Variants in GREB1 observed in about 807,000 individuals in gnomAD.
GREB1 encodes the protein protein GREB1.
A neutral mutation model predicts 200.7 loss-of-function variants in GREB1; 106 were observed. The observed-to-expected ratio is 0.53, with a 90% CI of 0.45 to 0.62. The LOEUF (loss-of-function observed/expected upper bound fraction) is 0.62. GREB1 is among the 20% of genes least tolerant of loss of function. GREB1 has a pLI of 0.00. For missense variants in GREB1, 2,243 were observed against 2,556.8 expected (o/e 0.88, Z 2.65); for synonymous variants, 1,132 against 1,092.4 (o/e 1.04, Z -0.72).
At chr2:11,590,111 G>A (rs939348907) in intron 10 of GREB1, among the ~76,000 whole-genome samples, 5 of 152,160 alleles carry the variant, frequency 3.3e-5, no homozygotes, top group African/African-American at 9.7e-5. Context: ...CAGAGGAGGC[G>A]ACTGAGATGG....
chr2:11,580,800 A>G lies in GREB1; in HGVS notation c.869A>G (p.Asn290Ser), dbSNP rs931696866. ...SPKCQQLAKN[N>S]LLALPRPSAL... ...AAGTGCCAACAACTGGCAAAGAATA[A>G]CCTGTTGGCCCTGCCGCGACCATCG... The change falls in exon 7 of 33, where the codon AAC (asparagine) becomes AGC (serine). Residue 290 changes from asparagine to serine, a missense_variant. Coordinates refer to ENST00000381486, the MANE Select transcript of GREB1 (RefSeq NM_014668.4). This position sits in a 1 kb window ranked among gnomAD's most constrained non-coding sequence, Gnocchi z 4.5. The G allele has an allele frequency of 5.6e-6, 9 of 1,614,020 alleles. No homozygotes were observed. Among genetic ancestry groups the G allele is most frequent in the Non-Finnish European group, 7.6e-6 (9 of 1,180,016 alleles).
At chr2:11,553,726 G>A (rs1347817581) in intron 1 of GREB1, among the ~76,000 whole-genome samples, 3 of 152,068 alleles carry the variant, frequency 2.0e-5, no homozygotes, top group Non-Finnish European at 4.4e-5. Flanking sequence ...GCTGGACAGT[G>A]GATATTATTT....
In GREB1 at chr2:11,613,315, C is replaced by T. The variant is rs185580959; in HGVS notation, c.3122+705C>T. ...AGATTGGGTTTTAGAGACTTCATAC[C>T]GGTGGAGAAGAGCAGACGGCCAGCA... On this transcript the variant is annotated intron_variant, in intron 19 of 32. Coordinates refer to ENST00000381486, the MANE Select transcript of GREB1 (RefSeq NM_014668.4). Among the ~76,000 whole-genome samples, 417 of 152,246 alleles carry T rather than the reference C, an allele frequency of 2.7e-3. 1 individual carries two copies. The highest frequency in any genetic ancestry group is 4.3e-3 in the Non-Finnish European group (292 of 68,014).
In GREB1 at chr2:11,638,879, G is replaced by A. The variant is rs149183693; in HGVS notation, c.5686+70G>A. The A allele has an allele frequency of 8.2e-3, 12,384 of 1,509,992 alleles. 81 individuals are homozygous for A. The highest frequency in any genetic ancestry group is 0.01 in the Non-Finnish European group (11,207 of 1,103,066). 93.5% of individuals were successfully genotyped at this position (1,509,992 alleles called of 1,614,324 possible). On this transcript the variant is annotated intron_variant, in intron 32 of 32. Coordinates refer to ENST00000381486, the MANE Select transcript of GREB1 (RefSeq NM_014668.4). ...TAGTCACCGGGTACCCTGAGGAGGG[G>A]ACCTTTGGTCCTAGTCCTTATTTGC...
At chr2:11,615,727 G>A (rs182509771) in intron 20 of GREB1, among the ~76,000 whole-genome samples, 65 of 152,310 alleles carry the variant, frequency 4.3e-4, no homozygotes, top group African/African-American at 1.5e-3. Context: ...TTTAAGAAGT[G>A]TGAAAACAGG....
At chr2:11,614,640 G>T (rs562181288) in intron 19 of GREB1, among the ~76,000 whole-genome samples, 10 of 151,428 alleles carry the variant, frequency 6.6e-5, no homozygotes, top group African/African-American at 1.9e-4. Context: ...CTCGGCTCAC[G>T]GCAAGCTCTG....
intron 19 of GREB1, among the ~76,000 whole-genome samples, chr2:11,614,806 G>T (rs545986498): frequency 1.3e-5 from 2 of 150,616 alleles, no homozygotes; most frequent in African/African-American, 2.4e-5. Context: ...CTTGTGATCC[G>T]CCCGCCTCGG....
chr2:11,605,181 A>C (rs1682157080), intron 17 of GREB1, among the ~76,000 whole-genome samples: 1 of 59,084 alleles, frequency 1.7e-5, no homozygotes, highest in African/African-American at 4.7e-5. Flanking sequence ...TTTTTTACGC[A>C]GCAGCTTTAA....
intron 1 of GREB1, among the ~76,000 whole-genome samples, chr2:11,521,944 T>C (rs1673718982): frequency 6.6e-6 from 1 of 152,234 alleles, no homozygotes; most frequent in Non-Finnish European, 1.5e-5. Flanking sequence ...ATCTGTGGTC[T>C]ACACGTTGTG....
Position 11,618,571 on chromosome 2 carries a change from C to G in GREB1, c.3696C>G (p.Ser1232=). Residue 1232 remains serine (S), a synonymous_variant, in exon 22 of 33, where the codon TCC becomes TCG. Transcript: ENST00000381486. ...CCTCCTCGGGCTCATCCTCCTCATC[C>G]GTGGCGCCCGCTGCCGGCACGTGGG... ...LSSSSGSSSS[S]VAPAAGTWVL... is the part of the protein sequence containing the mutation. 1 of 1,612,970 alleles carries G rather than the reference C, an allele frequency of 6.2e-7. No individual in the cohort carries two copies. The highest frequency in any genetic ancestry group is 1.7e-4 in the Middle Eastern group (1 of 6,058).
rs992519368 is a variant in GREB1 at position 11,625,254 on chromosome 2, C to T, written c.4248C>T (p.Asp1416=). ...TGCCCTTTGACTACATCATTCACGACCCGAAGTATGAAGATGCCAGCCTGA... is the reference window on the plus strand; with the variant it reads ...TGCCCTTTGACTACATCATTCACGATCCGAAGTATGAAGATGCCAGCCTGA... ...KKLPFDYIIH[D]PKYEDASLIC... The change falls in exon 24 of 33, where the codon GAC becomes GAT. Residue 1416 remains aspartate (D), a synonymous_variant. Coordinates refer to ENST00000381486, the MANE Select transcript of GREB1 (RefSeq NM_014668.4). The T allele has an allele frequency of 1.2e-6, 2 of 1,614,140 alleles. No individual in the cohort carries two copies. The highest frequency in any genetic ancestry group is 1.7e-6 in the Non-Finnish European group (2 of 1,180,006).
At chr2:11,510,102 C>T (rs1393540158) in intron 1 of GREB1, among the ~76,000 whole-genome samples, 2 of 152,106 alleles carry the variant, frequency 1.3e-5, no homozygotes, top group African/African-American at 4.8e-5. Context: ...AGTCGCTGTT[C>T]CCTTGGAATT....
chr2:11,587,399 A>T, intron 9 of GREB1: 1 of 1,613,524 alleles, frequency 6.2e-7, no homozygotes, highest in Non-Finnish European at 8.5e-7. Context: ...AAATGGTGCT[A>T]CCCAAATGGT....
intron 17 of GREB1, among the ~76,000 whole-genome samples, chr2:11,605,189 TAA>T (rs1558621397): frequency 8.3e-5 from 11 of 132,778 alleles, no homozygotes; most frequent in Non-Finnish European, 1.4e-4. Flanking sequence ...GCAGCAGCTT[TAA>T]TGGGGAATAA....
rs1685758008 is a variant in GREB1, at chr2:11,640,718, G to A, written c.*264G>A. The A allele has an allele frequency of 4.7e-6, 2 of 429,226 alleles. No individual in the cohort carries two copies. The highest frequency in any genetic ancestry group is 3.7e-5 in the South Asian group (1 of 26,988). The allele number at this position is 429,226 out of a possible 1,614,324, so 26.6% of individuals were successfully genotyped here. A position where few individuals can be genotyped will look rare whatever the true frequency, so the allele number is the denominator to read the frequency against. On this transcript the variant is annotated 3_prime_UTR_variant, in exon 33 of 33. Transcript: ENST00000381486. The surrounding 1 kb of genome is among the most constrained non-coding windows in gnomAD (Gnocchi z 4.6). ...TGGGCTGTTTTAAAGCCCATTTCAC[G>A]AGGAACAAAGATTTACTTCCTGTCC...
intron 29 of GREB1, among the ~76,000 whole-genome samples, chr2:11,634,776 A>G (rs929324923): frequency 1.3e-5 from 2 of 152,108 alleles, no homozygotes; most frequent in Non-Finnish European, 2.9e-5. Flanking sequence ...GAGCCTCTCA[A>G]AGAGGGTGGG....
chr2:11,615,770 C>T (rs1013285938), intron 20 of GREB1, among the ~76,000 whole-genome samples: 1 of 152,180 alleles, frequency 6.6e-6, no homozygotes, highest in African/African-American at 2.4e-5. Flanking sequence ...CTGATGCCGC[C>T]TTTTTAATAG....
chr2:11,553,446 A>C (rs1397017811), intron 1 of GREB1, among the ~76,000 whole-genome samples: 1 of 151,764 alleles, frequency 6.6e-6, no homozygotes, highest in African/African-American at 2.4e-5. Flanking sequence ...ATGCCACTGC[A>C]CTCACTCCAG....
chr2:11,624,545 G>A (rs370334053), intron 23 of GREB1, among the ~76,000 whole-genome samples: 7 of 151,422 alleles, frequency 4.6e-5, no homozygotes, highest in Admixed American at 1.3e-4. Flanking sequence ...GGGTTTTACC[G>A]TGTTGGCCAG....
Sources: gnomAD v4.1 joint callset for allele counts (sites outside exome capture counted in the v4.1 genomes callset) on GRCh38, gnomAD v4.1.1 for gene constraint, Gnocchi (gnomAD v3.1) non-coding constraint, MANE v1.5 for transcripts, NCBI Gene and HGNC (gene_info 2026-07-23, HGNC 2026-07-21) for gene names.